Variants in ITGA8 observed in about 807,000 individuals in gnomAD.
ITGA8 encodes integrin subunit alpha 8, also known as integrin alpha-8.
Under a neutral mutation model 142.3 loss-of-function variants are expected in ITGA8, and 91 were observed. That is an observed-to-expected ratio of 0.64 (90% CI 0.54 to 0.76). The LOEUF (loss-of-function observed/expected upper bound fraction) is 0.76. Among genes scored for constraint, ITGA8 ranks in the 30% least tolerant of loss-of-function variants. The pLI is 0.00. For synonymous variants in ITGA8, 505 were observed against 485.2 expected, an observed-to-expected ratio of 1.04 and a Z score of -0.54; for missense variants, 1,406 against 1,327.7, an observed-to-expected ratio of 1.06 and a Z score of -0.92.
intron 9 of ITGA8, among the ~76,000 whole-genome samples, chr10:15,659,507 T>C (rs1301307015): frequency 6.6e-6 from 1 of 152,230 alleles, no homozygotes; most frequent in East Asian, 1.9e-4. Context: ...TGATGCTTTC[T>C]AGATACTTTT....
chr10:15,604,020 A>C (rs1273403588), intron 20 of ITGA8, among the ~76,000 whole-genome samples, 188 bp downstream of exon 20: 1 of 152,170 alleles, frequency 6.6e-6, no homozygotes, highest in Non-Finnish European at 1.5e-5. Flanking sequence ...GTGGCAAAGA[A>C]AGACATTAAT....
intron 29 of ITGA8, 72 bp from the exon 30 acceptor site, chr10:15,517,316 T>C (rs992035836): frequency 1.9e-6 from 2 of 1,048,966 alleles, no homozygotes; most frequent in African/African-American, 3.2e-5. Context: ...TCAAAGAATT[T>C]TCACTTTATG....
intron 27 of ITGA8, among the ~76,000 whole-genome samples, chr10:15,540,721 T>A (rs1833551708): frequency 6.6e-6 from 1 of 152,190 alleles, no homozygotes; most frequent in Non-Finnish European, 1.5e-5. Context: ...CATTCTTGGC[T>A]GTACCTGTGC....
intron 4 of ITGA8, 82 bp downstream of exon 4, chr10:15,683,922 T>C: frequency 6.7e-7 from 1 of 1,503,278 alleles, no homozygotes; most frequent in East Asian, 2.3e-5. Context: ...TTATCAATGG[T>C]GTTTTGAGCC....
chr10:15,669,634 C>T (rs1834470189), intron 8 of ITGA8, among the ~76,000 whole-genome samples: 2 of 152,086 alleles, frequency 1.3e-5, no homozygotes, highest in Non-Finnish European at 2.9e-5. Context: ...TTTTTCCCAT[C>T]TTTGTGGTTT....
At chr10:15,566,915 C>T (rs1834090905) in intron 25 of ITGA8, among the ~76,000 whole-genome samples, 1 of 144,076 alleles carries the variant, frequency 6.9e-6, no homozygotes, top group African/African-American at 2.5e-5. Flanking sequence ...GCCACTGCAC[C>T]CGGCCTCTGA....
intron 8 of ITGA8, among the ~76,000 whole-genome samples, chr10:15,671,358 G>A (rs45525745): frequency 3.2e-4 from 49 of 152,218 alleles, no homozygotes; most frequent in Non-Finnish European, 6.5e-4. Context: ...CATAACATGG[G>A]ATTATGGCCC....
rs1159846015 is a variant in ITGA8 at position 15,684,145 on chromosome 10, C to G, written c.445-18G>C. The G allele has an allele frequency of 6.9e-6, 11 of 1,593,380 alleles. No homozygotes were observed. The highest frequency in any genetic ancestry group is 9.4e-6 in the Non-Finnish European group (11 of 1,174,258). ...GCACAGGCCTAGGAAACATCAAAGA[C>G]AAAAAAATACATTTTTGATGTAGGT... On this transcript the variant is annotated intron_variant, in intron 3 of 29. Transcript: ENST00000378076.
intron 25 of ITGA8, among the ~76,000 whole-genome samples, chr10:15,568,228 C>T (rs1392115951): frequency 6.6e-6 from 1 of 152,182 alleles, no homozygotes; most frequent in Non-Finnish European, 1.5e-5. Context: ...TGGTCCAAGA[C>T]AAATATTCAG....
intron 6 of ITGA8, among the ~76,000 whole-genome samples, chr10:15,673,335 G>A (rs754088781): frequency 6.6e-5 from 10 of 151,952 alleles, no homozygotes; most frequent in Admixed American, 2.6e-4. Context: ...TGCTTGCCTC[G>A]GCCTCCCAAA....
chr10:15,670,840 A>G (rs34102687), intron 8 of ITGA8, among the ~76,000 whole-genome samples: 14,766 of 152,224 alleles, frequency 0.097, 937 homozygotes, highest in East Asian at 0.29. Flanking sequence ...CTCGAAGCCA[A>G]TCTCGTTTCA....
At chr10:15,565,985 G>C (rs1834071768) in intron 25 of ITGA8, among the ~76,000 whole-genome samples, 1 of 152,020 alleles carries the variant, frequency 6.6e-6, no homozygotes. Context: ...AGGAAGTAAC[G>C]AGCGCCTGCA....
chr10:15,697,208 A>T (rs1364912628), intron 2 of ITGA8, among the ~76,000 whole-genome samples: 1 of 152,224 alleles, frequency 6.6e-6, no homozygotes, highest in Non-Finnish European at 1.5e-5. Context: ...TATGATTTGT[A>T]TGCACTGATA....
intron 14 of ITGA8, 54 bp from the exon 15 acceptor site, chr10:15,613,821 G>A (rs1253903181): frequency 3.5e-5 from 43 of 1,239,694 alleles, no homozygotes; most frequent in Non-Finnish European, 4.6e-5. Flanking sequence ...GTGATAGGCA[G>A]GCAGAAGCCC....
In ITGA8 at chr10:15,672,677, GC is replaced by G. The variant is rs762044802; in HGVS notation, c.748del (p.Ala250GlnfsTer57). ...AGCCACTTCCGTCTGCTTTTCTCCT[GC>G]CAGTTTCCTGAGGATATCCTTGAAT... ...YSFKDILRKL[A>X]GEKQTEVAPA... is the part of the protein sequence containing the mutation. On this transcript the variant is annotated frameshift_variant, in exon 7 of 30. Coordinates refer to ENST00000378076, the MANE Select transcript of ITGA8 (RefSeq NM_003638.3). LOFTEE classifies it high-confidence loss of function. The G allele has an allele frequency of 6.2e-7, 1 of 1,613,758 alleles. No homozygotes were observed. Among genetic ancestry groups the G allele is most frequent in the Non-Finnish European group, 8.5e-7 (1 of 1,179,818 alleles).
intron 13 of ITGA8, among the ~76,000 whole-genome samples, chr10:15,630,573 T>G (rs2131633348): frequency 6.6e-6 from 1 of 152,062 alleles, no homozygotes; most frequent in African/African-American, 2.4e-5. Context: ...GAAGGCTTCC[T>G]GAGGAAGTGA....
At chr10:15,583,479 G>A (rs186830921) in intron 23 of ITGA8, among the ~76,000 whole-genome samples, 35 of 152,190 alleles carry the variant, frequency 2.3e-4, no homozygotes, top group Admixed American at 6.5e-4. Flanking sequence ...AAACCTGCAC[G>A]TTCTGCACAG....
At position 15,719,740 on chromosome 10, in the gene ITGA8, C is replaced by T; in HGVS notation, c.32G>A (p.Gly11Glu). 7.3e-7 allele frequency: 1 copy of T among 1,366,032 alleles called. No homozygotes were observed. Among genetic ancestry groups the T allele is most frequent in the Non-Finnish European group, 9.4e-7 (1 of 1,067,614 alleles). The allele number at this position is 1,366,032 out of a possible 1,614,324, so 84.6% of individuals were successfully genotyped here. MSPGASRGPR[G>E]SQAPLIAPLC... is the part of the protein sequence containing the mutation. The stretch of plus-strand genomic sequence containing the variant: ...GGGCGCGATCAGCGGCGCCTGGCTT[C>T]CCCGGGGACCGCGGCTGGCCCCGGG... Residue 11 changes from glycine to glutamate, a missense_variant, in exon 1 of 30, where the codon GGA (glycine) becomes GAA (glutamate). Coordinates refer to ENST00000378076, the MANE Select transcript of ITGA8 (RefSeq NM_003638.3).
chr10:15,549,316 T>C (rs570445779), intron 26 of ITGA8, among the ~76,000 whole-genome samples: 1 of 151,336 alleles, frequency 6.6e-6, no homozygotes, highest in South Asian at 2.1e-4. Context: ...GTTCAAGTGA[T>C]TCTCTTGCCT....
Sources: allele counts gnomAD v4.1 joint callset (sites outside exome capture counted in the v4.1 genomes callset), GRCh38; gene constraint gnomAD v4.1.1; transcripts MANE v1.5; gene names NCBI Gene and HGNC (gene_info 2026-07-23, HGNC 2026-07-21).